The following MIPEP variants were observed in gnomAD, a reference collection of about 807,000 sequenced individuals.
The protein encoded by MIPEP is mitochondrial intermediate peptidase.
A neutral mutation model predicts 90.3 loss-of-function variants in MIPEP; 79 were observed. The observed-to-expected ratio is 0.87, with a 90% CI of 0.73 to 1.05. The LOEUF is 1.05. Among genes scored for constraint, MIPEP ranks in the 50% least tolerant of loss-of-function variants. The probability of loss-of-function intolerance (pLI) is 0.00; values close to 1 mark genes in which losing one functional copy is unlikely to be tolerated. For missense variants in MIPEP, 940 were observed against 905.6 expected, an observed-to-expected ratio of 1.04 and a Z score of -0.49; for synonymous variants, 334 against 315.8, an observed-to-expected ratio of 1.06 and a Z score of -0.61.
At chr13:23,745,193 T>C (rs1952369624) in intron 18 of MIPEP, among the ~76,000 whole-genome samples, 1 of 152,162 alleles carries the variant, frequency 6.6e-6, no homozygotes, top group African/African-American at 2.4e-5. Context: ...CCAGGGACTA[T>C]TCAATAAGAG....
At chr13:23,801,595 T>C (rs1289142081) in intron 16 of MIPEP, among the ~76,000 whole-genome samples, 3 of 152,254 alleles carry the variant, frequency 2.0e-5, no homozygotes, top group Middle Eastern at 3.2e-3. Flanking sequence ...TCTGTGCTTA[T>C]AATTCCCTCA....
chr13:23,862,851 T>C (rs1019881152), intron 8 of MIPEP, among the ~76,000 whole-genome samples: 4 of 152,216 alleles, frequency 2.6e-5, no homozygotes, highest in African/African-American at 9.6e-5. Flanking sequence ...AATTAATTCC[T>C]ATATATACCT....
rs560945590 is a variant in MIPEP at position 23,833,786 on chromosome 13, G to C, written c.1653+2454C>G. 4.6e-5 allele frequency among the ~76,000 whole-genome samples: 7 copies of C among 152,038 alleles called. No individual in the cohort carries two copies. The East Asian group carries it at 1.4e-3, about 29-fold the overall frequency. ...CTGGTCCTCTTGTGTAGTCACCCCC[G>C]CGTGTGTGTCCTCCCACGCCCTGTG... On this transcript the variant is annotated intron_variant, in intron 14 of 18. Coordinates refer to ENST00000382172, the MANE Select transcript of MIPEP (RefSeq NM_005932.4).
intron 18 of MIPEP, among the ~76,000 whole-genome samples, chr13:23,734,673 T>A (rs1332639893): frequency 6.6e-6 from 1 of 152,108 alleles, no homozygotes. Context: ...GACACGTCAG[T>A]CTTCCGAGGA....
At chr13:23,793,862 C>T (rs1952927235) in intron 16 of MIPEP, among the ~76,000 whole-genome samples, 1 of 151,960 alleles carries the variant, frequency 6.6e-6, no homozygotes, top group African/African-American at 2.4e-5. Context: ...CCAAAGGAAG[C>T]AGGCTGTGTC....
chr13:23,735,990 A>G (rs1952259891), intron 18 of MIPEP, among the ~76,000 whole-genome samples: 1 of 152,230 alleles, frequency 6.6e-6, no homozygotes, highest in Admixed American at 6.5e-5. Flanking sequence ...ATAGTAAAAA[A>G]ATTCCAAGAA....
chr13:23,749,865 G>A (rs1273137594), intron 18 of MIPEP, among the ~76,000 whole-genome samples: 1 of 152,086 alleles, frequency 6.6e-6, no homozygotes, highest in East Asian at 1.9e-4. Context: ...CTCTTTCACA[G>A]TATCCACAAT....
chr13:23,760,452 T>C (rs1461404044), intron 16 of MIPEP: 1 of 703,698 alleles, frequency 1.4e-6, no homozygotes, highest in African/African-American at 1.7e-5. Context: ...CCTCAGAATG[T>C]GACTTATTAG....
At chr13:23,768,031 C>T (rs534149182) in intron 16 of MIPEP, among the ~76,000 whole-genome samples, 2 of 152,306 alleles carry the variant, frequency 1.3e-5, no homozygotes, top group East Asian at 3.9e-4. Context: ...GTAAAGGTGA[C>T]GTGTGCAGCT....
chr13:23,754,489 C>G (rs1482426071), intron 18 of MIPEP, among the ~76,000 whole-genome samples: 1 of 152,164 alleles, frequency 6.6e-6, no homozygotes, highest in Non-Finnish European at 1.5e-5. Context: ...TGATGGACTT[C>G]TTTTTCTCTC....
In MIPEP at chr13:23,760,193, G is replaced by T; in HGVS notation, c.1873C>A (p.Leu625Ile). The change falls in exon 17 of 19, where the codon CTC becomes ATC. Residue 625 changes from leucine to isoleucine, a missense_variant. Leu to Ile is a conservative substitution (Grantham distance 5). Coordinates refer to ENST00000382172, the MANE Select transcript of MIPEP (RefSeq NM_005932.4). Reference protein sequence around the residue: ...NTAWQLRFSHLVGYGARYYSY... With the variant: ...NTAWQLRFSHIVGYGARYYSY... ...TAATATCTAGCACCATACCCCACGA[G>T]GTGGCTGAATCGCAGCTGCCAGGCC... 1 of 1,614,104 alleles carries T rather than the reference G, an allele frequency of 6.2e-7. No homozygotes were observed. The highest frequency in any genetic ancestry group is 8.5e-7 in the Non-Finnish European group (1 of 1,180,006).
chr13:23,799,483 C>T (rs757295769), intron 16 of MIPEP, among the ~76,000 whole-genome samples: 3 of 152,138 alleles, frequency 2.0e-5, no homozygotes, highest in African/African-American at 4.8e-5. Context: ...CCCGCCACCA[C>T]GCCTGGCTAA....
chr13:23,759,721 T>C (rs1952520222), intron 17 of MIPEP, among the ~76,000 whole-genome samples: 1 of 152,172 alleles, frequency 6.6e-6, no homozygotes, highest in African/African-American at 2.4e-5. Context: ...TTTGCCTCCA[T>C]TCTGTGGAAA....
At chr13:23,877,370 T>C in intron 4 of MIPEP, among the ~76,000 whole-genome samples, 1 of 152,212 alleles carries the variant, frequency 6.6e-6, no homozygotes, top group East Asian at 1.9e-4. Context: ...CATTCCAACG[T>C]GTGTTACAGC....
chr13:23,874,931 G>C, intron 4 of MIPEP, 22 bp from the exon 5 acceptor site: 1 of 1,554,802 alleles, frequency 6.4e-7, no homozygotes, highest in Non-Finnish European at 8.6e-7. Context: ...ATGAGCCCCA[G>C]GTTATAACAG....
intron 14 of MIPEP, among the ~76,000 whole-genome samples, chr13:23,830,960 T>C (rs1317059769): frequency 6.6e-6 from 1 of 151,924 alleles, no homozygotes; most frequent in East Asian, 1.9e-4. Flanking sequence ...AAGATAAGGA[T>C]AGTGGCAGTT....
Position 23,817,699 on chromosome 13 carries a change from G to A in MIPEP, c.1654-7775C>T, listed in dbSNP as rs543942650. Among the ~76,000 whole-genome samples, 9 of 152,046 alleles carry A rather than the reference G, an allele frequency of 5.9e-5. No individual in the cohort carries two copies. The South Asian group carries it at 8.3e-4, about 14-fold the overall frequency. On this transcript the variant is annotated intron_variant, in intron 14 of 18. Coordinates refer to ENST00000382172, the MANE Select transcript of MIPEP (RefSeq NM_005932.4). Reference sequence around the variant, plus strand: ...AGGCATGCTGCAGGTGTGTAACGTCGGGCTTGTTGATTCAATTTGTTTGTG... The same window carrying A: ...AGGCATGCTGCAGGTGTGTAACGTCAGGCTTGTTGATTCAATTTGTTTGTG...
chr13:23,752,895 C>A (rs1461182585), intron 18 of MIPEP, among the ~76,000 whole-genome samples: 1 of 152,044 alleles, frequency 6.6e-6, no homozygotes, highest in Non-Finnish European at 1.5e-5. Flanking sequence ...ACACACCCCA[C>A]CCCCTTCAGA....
At chr13:23,787,236 T>C (rs1396377521) in intron 16 of MIPEP, among the ~76,000 whole-genome samples, 1 of 152,200 alleles carries the variant, frequency 6.6e-6, no homozygotes, top group African/African-American at 2.4e-5. Flanking sequence ...GCTTAAACAA[T>C]AGAAGTTATT....
Sources: allele counts gnomAD v4.1 joint callset (sites outside exome capture counted in the v4.1 genomes callset), GRCh38; gene constraint gnomAD v4.1.1; transcripts MANE v1.5; gene names NCBI Gene and HGNC (gene_info 2026-07-23, HGNC 2026-07-21).